SND1: variants seen among roughly 807,000 people sequenced by gnomAD.
SND1 encodes staphylococcal nuclease domain-containing protein 1.
In SND1, 38 loss-of-function variants were observed where a neutral mutation model predicts 121.7. The observed-to-expected ratio is 0.31, with a 90% CI of 0.24 to 0.41. SND1 has a LOEUF of 0.41. SND1 is among the 10% of genes least tolerant of loss of function. The probability of loss-of-function intolerance (pLI) is 1.00; values close to 1 mark genes in which losing one functional copy is unlikely to be tolerated. For missense variants in SND1, 868 were observed against 1,184.6 expected, an observed-to-expected ratio of 0.73 and a Z score of 3.92; for synonymous variants, 401 against 447.4, an observed-to-expected ratio of 0.90 and a Z score of 1.31.
chr7:128,030,215 G>A (rs776623194), intron 16 of SND1: 2 of 1,614,228 alleles, frequency 1.2e-6, no homozygotes, highest in South Asian at 2.2e-5. Context: ...GGTATTCAAA[G>A]GCCCCGCTAG....
chr7:127,926,755 T>C (rs1409608239), intron 14 of SND1, among the ~76,000 whole-genome samples: 1 of 149,790 alleles, frequency 6.7e-6, no homozygotes, highest in African/African-American at 2.5e-5. Context: ...TTGTTGTTGT[T>C]GTTGTTGTTG....
chr7:127,877,192 A>G (rs1372869549), intron 12 of SND1, among the ~76,000 whole-genome samples: 2 of 152,174 alleles, frequency 1.3e-5, no homozygotes, highest in East Asian at 1.9e-4. Context: ...TGGCAACAAG[A>G]TTACAGTACT....
At chr7:127,778,235 G>GC (rs1198660598) in intron 10 of SND1, among the ~76,000 whole-genome samples, 1 of 147,834 alleles carries the variant, frequency 6.8e-6, no homozygotes, top group African/African-American at 2.6e-5. Flanking sequence ...TCGCTCTGTC[G>GC]CCAGGCTGGA....
At chr7:127,654,075 G>A (rs1795170984) in intron 1 of SND1, among the ~76,000 whole-genome samples, 1 of 152,206 alleles carries the variant, frequency 6.6e-6, no homozygotes, top group South Asian at 2.1e-4. Flanking sequence ...CCTTGCTGAG[G>A]TTTAAATTGT....
chr7:128,047,235 A>C (rs1432236661), intron 16 of SND1, among the ~76,000 whole-genome samples: 3 of 152,236 alleles, frequency 2.0e-5, no homozygotes, highest in Non-Finnish European at 4.4e-5. Flanking sequence ...AGCAGGGAGA[A>C]GGTGGAAATG....
chr7:127,681,626 T>A (rs1795729054), intron 1 of SND1, among the ~76,000 whole-genome samples: 1 of 152,250 alleles, frequency 6.6e-6, no homozygotes, highest in Non-Finnish European at 1.5e-5. Flanking sequence ...CTCTTAAATT[T>A]AGGTCTCTGG....
chr7:127,846,009 CAG>C (rs1164984905), intron 12 of SND1, among the ~76,000 whole-genome samples: 1 of 152,210 alleles, frequency 6.6e-6, no homozygotes, highest in Non-Finnish European at 1.5e-5. Context: ...TTGGCTTTGA[CAG>C]AGATTACTCT....
chr7:127,858,837 C>T (rs1025868434), intron 12 of SND1, among the ~76,000 whole-genome samples: 1 of 152,186 alleles, frequency 6.6e-6, no homozygotes, highest in Non-Finnish European at 1.5e-5. Context: ...GGTAGAAGAA[C>T]GTAGTTATAC....
At chr7:127,790,263 C>T (rs1797884118) in intron 10 of SND1, among the ~76,000 whole-genome samples, 1 of 152,132 alleles carries the variant, frequency 6.6e-6, no homozygotes. Context: ...CTTGTACATA[C>T]CTCTGGAGGA....
intron 15 of SND1, among the ~76,000 whole-genome samples, chr7:127,988,910 C>T (rs1802457709): frequency 6.6e-6 from 1 of 152,128 alleles, no homozygotes; most frequent in Non-Finnish European, 1.5e-5. Flanking sequence ...TGCAACAATG[C>T]TTTTTCTGTG....
chr7:127,795,510 T>C (rs1329681287), intron 10 of SND1, among the ~76,000 whole-genome samples: 1 of 152,238 alleles, frequency 6.6e-6, no homozygotes, highest in Non-Finnish European at 1.5e-5. Flanking sequence ...AGTGTATCAG[T>C]TCAGCTTTAC....
intron 17 of SND1, among the ~76,000 whole-genome samples, chr7:128,077,623 G>A (rs1283255972): frequency 2.0e-5 from 3 of 152,232 alleles, no homozygotes; most frequent in African/African-American, 7.2e-5. Flanking sequence ...TTGGCCTGGA[G>A]AGACACTTCC....
chr7:127,737,585 G>A (rs1796799736), intron 10 of SND1, among the ~76,000 whole-genome samples: 1 of 152,088 alleles, frequency 6.6e-6, no homozygotes, highest in Non-Finnish European at 1.5e-5. Context: ...CAAAGAAGTG[G>A]TATGGTATGT....
chr7:128,085,154 C>G lies in SND1; in HGVS notation c.2234+307C>G, dbSNP rs1793668184. 6.6e-6 allele frequency among the ~76,000 whole-genome samples: 1 copy of G among 152,148 alleles called. No individual in the cohort carries two copies. The highest frequency in any genetic ancestry group is 2.4e-5 in the African/African-American group (1 of 41,456). ...AGGCTGTCCAGCACACCCCTCACCC[C>G]ACCCAGGAAGAATGATGTTACAGGG... On this transcript the variant is annotated intron_variant, in intron 19 of 23. Coordinates refer to ENST00000354725, the MANE Select transcript of SND1 (RefSeq NM_014390.4). The surrounding 1 kb of genome is among the most constrained non-coding windows in gnomAD (Gnocchi z 4.4).
intron 12 of SND1, among the ~76,000 whole-genome samples, chr7:127,857,654 G>A (rs1799305423): frequency 6.6e-6 from 1 of 151,940 alleles, no homozygotes; most frequent in African/African-American, 2.4e-5. Context: ...ACCAAGGCGA[G>A]TCCAAAGGGG....
chr7:127,674,302 A>C (rs1017431803), intron 1 of SND1, among the ~76,000 whole-genome samples: 2 of 152,212 alleles, frequency 1.3e-5, no homozygotes, highest in Non-Finnish European at 2.9e-5. Flanking sequence ...AAATATTTGT[A>C]TATATAAACA....
At chr7:127,759,964 A>T (rs569888608) in intron 10 of SND1, among the ~76,000 whole-genome samples, 1 of 152,268 alleles carries the variant, frequency 6.6e-6, no homozygotes, top group African/African-American at 2.4e-5. Flanking sequence ...TGCCCCAATC[A>T]GGACCTTCCT....
intron 16 of SND1, among the ~76,000 whole-genome samples, chr7:128,051,276 CA>C (rs1793041910): frequency 6.6e-6 from 1 of 152,176 alleles, no homozygotes; most frequent in Non-Finnish European, 1.5e-5. Context: ...TTGAGATGAA[CA>C]AGACTTTTTA....
At chr7:127,994,939 G>T (rs1802611679) in intron 16 of SND1, among the ~76,000 whole-genome samples, 2 of 151,916 alleles carry the variant, frequency 1.3e-5, no homozygotes, top group Admixed American at 1.3e-4. Flanking sequence ...GGCCAGGCTG[G>T]TCTCGAACTC....
Sources: gnomAD v4.1 joint callset for allele counts (sites outside exome capture counted in the v4.1 genomes callset) on GRCh38, gnomAD v4.1.1 for gene constraint, Gnocchi (gnomAD v3.1) non-coding constraint, MANE v1.5 for transcripts, NCBI Gene and HGNC (gene_info 2026-07-23, HGNC 2026-07-21) for gene names.